SCAPER: variants seen among roughly 807,000 people sequenced by gnomAD.
The protein encoded by SCAPER is S-phase cyclin A associated protein in the ER, also known as S phase cyclin A-associated protein in the endoplasmic reticulum.
SCAPER carries 98 observed loss-of-function variants against 182.2 expected under a neutral mutation model. The ratio of observed to expected loss-of-function variants is 0.54; its 90% CI spans 0.46 to 0.64. The LOEUF is 0.64. Ranked by LOEUF, SCAPER falls within the 30% of genes least tolerant of loss-of-function variation. The pLI is 0.00. For synonymous variants in SCAPER, 605 were observed against 564.6 expected (o/e 1.07, Z -1.01); for missense variants, 1,432 against 1,690.0 (o/e 0.85, Z 2.68).
chr15:76,688,624 G>C (rs749537379), intron 20 of SCAPER, among the ~76,000 whole-genome samples: 2 of 152,014 alleles, frequency 1.3e-5, no homozygotes, highest in Non-Finnish European at 2.9e-5. Flanking sequence ...TGTAAGGAAA[G>C]GGTGCACTTT....
intron 26 of SCAPER, among the ~76,000 whole-genome samples, chr15:76,429,115 CTCTT>C (rs1030223402): frequency 2.2e-4 from 34 of 152,002 alleles, no homozygotes; most frequent in African/African-American, 7.2e-4. Context: ...CACAAACTCT[CTCTT>C]TGCCTGCCAC....
chr15:76,439,975 T>C (rs2047449161), intron 25 of SCAPER, among the ~76,000 whole-genome samples: 1 of 152,258 alleles, frequency 6.6e-6, no homozygotes, highest in Non-Finnish European at 1.5e-5. Context: ...ATCTTACTCT[T>C]ATAATAGCAG....
chr15:76,613,683 A>G (rs750226495), intron 22 of SCAPER, among the ~76,000 whole-genome samples: 2 of 152,258 alleles, frequency 1.3e-5, no homozygotes, highest in Non-Finnish European at 2.9e-5. Flanking sequence ...ATCACTAGAG[A>G]AATGCAAATC....
chr15:76,586,829 G>T (rs2048697869), intron 22 of SCAPER: 1 of 151,932 alleles, frequency 6.6e-6, no homozygotes. Flanking sequence ...AATGATTTAG[G>T]GAGGATTCCC....
intron 2 of SCAPER, among the ~76,000 whole-genome samples, chr15:76,880,762 T>C (rs1168415343): frequency 2.6e-5 from 4 of 151,858 alleles, no homozygotes; most frequent in African/African-American, 9.7e-5. Flanking sequence ...ATATTACCTT[T>C]AGGTTCAAAA....
chr15:76,503,236 C>T (rs2041299504), intron 24 of SCAPER, among the ~76,000 whole-genome samples: 1 of 152,050 alleles, frequency 6.6e-6, no homozygotes, highest in Non-Finnish European at 1.5e-5. Context: ...ACCTTCCTCC[C>T]TGCCAATTAA....
At chr15:76,861,260 A>T (rs1279335446) in intron 3 of SCAPER, among the ~76,000 whole-genome samples, 1 of 152,184 alleles carries the variant, frequency 6.6e-6, no homozygotes, top group East Asian at 1.9e-4. Flanking sequence ...CTTACCACAA[A>T]TTACTCATTA....
intron 25 of SCAPER, among the ~76,000 whole-genome samples, chr15:76,440,918 G>GTTTTTTTTTT (rs1187911987): frequency 9.6e-5 from 6 of 62,678 alleles, no homozygotes; most frequent in African/African-American, 2.6e-4. Context: ...TTTTTTTTTT[G>GTTTTTTTTTT]TTTTTTTTTT....
chr15:76,765,367 T>G lies in SCAPER; in HGVS notation c.1583A>C (p.His528Pro). ...ACGAGAGGGTGAAGAAAGTTTTTCA[T>G]GCATGTGAATTCCATGCCCTGGAGG... ...ARPPGHGIHM[H>P]EKLSSPSRKR... The change falls in exon 13 of 32, where the codon CAT becomes CCT. Residue 528 changes from histidine to proline, a missense_variant. Around this residue, in one of 5 missense-constraint regions of SCAPER, gnomAD observed 128 missense variants for 149.9 expected, o/e 0.85. Coordinates refer to ENST00000563290, the MANE Select transcript of SCAPER (RefSeq NM_020843.4). 6.2e-7 allele frequency: 1 copy of G among 1,613,472 alleles called. No homozygotes were observed. The highest frequency in any genetic ancestry group is 8.5e-7 in the Non-Finnish European group (1 of 1,179,630).
intron 22 of SCAPER, among the ~76,000 whole-genome samples, chr15:76,601,292 T>C (rs1412474687): frequency 8.2e-6 from 1 of 122,012 alleles, no homozygotes; most frequent in South Asian, 2.5e-4. Context: ...TCTCCTTTCT[T>C]AGCACATCAA....
intron 1 of SCAPER, among the ~76,000 whole-genome samples, chr15:76,898,539 G>A (rs1389558006): frequency 1.3e-5 from 2 of 152,222 alleles, no homozygotes; most frequent in Admixed American, 1.3e-4. Flanking sequence ...ATATCCATAT[G>A]ATGGAATATT....
intron 15 of SCAPER, among the ~76,000 whole-genome samples, chr15:76,747,101 T>G (rs2061835597): frequency 6.6e-6 from 1 of 152,202 alleles, no homozygotes. Context: ...ACTGTTCCCA[T>G]TTCAAAGCTT....
At chr15:76,730,012 G>C (rs2060825622) in intron 16 of SCAPER, among the ~76,000 whole-genome samples, 1 of 151,986 alleles carries the variant, frequency 6.6e-6, no homozygotes, top group Non-Finnish European at 1.5e-5. Context: ...CTTGGGCAAA[G>C]TACTTCACCT....
intron 26 of SCAPER, among the ~76,000 whole-genome samples, chr15:76,414,225 T>C (rs563004505): frequency 1.6e-4 from 24 of 152,166 alleles, no homozygotes; most frequent in Non-Finnish European, 2.9e-4. Flanking sequence ...TTGTGTATGA[T>C]TGGCATATTT....
chr15:76,836,130 GCCAAACTACCAACTACCAATT>G (rs377668293), intron 5 of SCAPER, among the ~76,000 whole-genome samples: 3 of 152,022 alleles, frequency 2.0e-5, no homozygotes, highest in Non-Finnish European at 2.9e-5. Flanking sequence ...CAGATTCAAT[GCCAAACTACCAACTACCAATT>G]CCAAACTACC....
At chr15:76,383,632 T>G (rs2043110836) in intron 27 of SCAPER, among the ~76,000 whole-genome samples, 3 of 152,250 alleles carry the variant, frequency 2.0e-5, no homozygotes, top group Admixed American at 1.3e-4. Flanking sequence ...TTATTCATCC[T>G]GTCATTGTGC....
intron 22 of SCAPER, among the ~76,000 whole-genome samples, chr15:76,608,077 CAGG>C (rs1390381952): frequency 6.6e-6 from 1 of 152,206 alleles, no homozygotes; most frequent in African/African-American, 2.4e-5. Context: ...CGTTCCTTTG[CAGG>C]AGGAGAGGCG....
At chr15:76,879,015 T>C (rs1297493463) in intron 2 of SCAPER, among the ~76,000 whole-genome samples, 1 of 152,152 alleles carries the variant, frequency 6.6e-6, no homozygotes, top group Non-Finnish European at 1.5e-5. Flanking sequence ...TCCCATACAC[T>C]ACCGACAGGA....
intron 25 of SCAPER, among the ~76,000 whole-genome samples, chr15:76,458,949 C>T (rs1567180934): frequency 6.6e-6 from 1 of 152,114 alleles, no homozygotes; most frequent in African/African-American, 2.4e-5. Flanking sequence ...AGCTGGGATG[C>T]AGTGGCATAA....
Sources: allele counts gnomAD v4.1 joint callset (sites outside exome capture counted in the v4.1 genomes callset), GRCh38; gene constraint gnomAD v4.1.1; regional missense constraint gnomAD v4.1.1; transcripts MANE v1.5; gene names NCBI Gene and HGNC (gene_info 2026-07-23, HGNC 2026-07-21).